ANKS1A: variants seen among roughly 807,000 people sequenced by gnomAD.
The protein encoded by ANKS1A is ankyrin repeat and sterile alpha motif domain containing 1A, also known as ankyrin repeat and SAM domain-containing protein 1A.
ANKS1A carries 55 observed loss-of-function variants against 120.3 expected under a neutral mutation model. That is an observed-to-expected ratio of 0.46 (90% CI 0.37 to 0.57). The LOEUF is 0.57. Among genes scored for constraint, ANKS1A ranks in the 20% least tolerant of loss-of-function variants. The probability of loss-of-function intolerance (pLI) is 0.00; values close to 1 mark genes in which losing one functional copy is unlikely to be tolerated. For missense variants in ANKS1A, 1,123 were observed against 1,480.3 expected, an observed-to-expected ratio of 0.76 and a Z score of 3.96; for synonymous variants, 590 against 604.7, an observed-to-expected ratio of 0.98 and a Z score of 0.36.
In ANKS1A at chr6:35,081,122, T is replaced by C. The variant is rs35455943; in HGVS notation, c.2673T>C (p.Pro891=). 33,215 of 1,612,978 alleles carry C rather than the reference T, an allele frequency of 0.021. 417 individuals are homozygous for C. Among genetic ancestry groups the C allele is most frequent in the African/African-American group, 0.045 (3,402 of 75,028 alleles). Reference sequence around the variant, plus strand: ...GGCGCCATGACAGTCTCCATGACCCTGCGGCACCCTCCCGAGCGGAGCGCT... The same window carrying C: ...GGCGCCATGACAGTCTCCATGACCCCGCGGCACCCTCCCGAGCGGAGCGCT... The part of the protein sequence containing the change: ...GRRRHDSLHD[P]AAPSRAERFR... Residue 891 remains proline (P), a synonymous_variant, in exon 17 of 24, where the codon CCT becomes CCC. Coordinates refer to ENST00000360359, the MANE Select transcript of ANKS1A (RefSeq NM_015245.3).
In ANKS1A at chr6:35,084,841, C is replaced by T. The variant is rs1777879034; in HGVS notation, c.3132+583C>T. Reference sequence around the variant, plus strand: ...GCCACTGGGCCGAGGAGAGTTCATTCTCACACAGCTGCCCACAGGGAGCAG... The same window carrying T: ...GCCACTGGGCCGAGGAGAGTTCATTTTCACACAGCTGCCCACAGGGAGCAG... On this transcript the variant is annotated intron_variant, in intron 21 of 23. Transcript: ENST00000360359. The surrounding 1 kb of genome is among the most constrained non-coding windows in gnomAD (Gnocchi z 4.8). Among the ~76,000 whole-genome samples the T allele has an allele frequency of 6.6e-6, 1 of 152,190 alleles. No individual in the cohort carries two copies. Among genetic ancestry groups the T allele is most frequent in the African/African-American group, 2.4e-5 (1 of 41,452 alleles).
At position 35,084,130 on chromosome 6, in the gene ANKS1A, G is replaced by A. The variant is rs372468739; in HGVS notation, c.3004G>A (p.Ala1002Thr). The A allele has an allele frequency of 1.9e-5, 30 of 1,614,074 alleles. No individual in the cohort carries two copies. Among genetic ancestry groups the A allele is most frequent in the Non-Finnish European group, 2.5e-5 (29 of 1,180,028 alleles). ...FIDASNKNVI[A>T]EHEIRNISCA... ...CGGCTTTCCCCAGCAGAACGTCATT[G>A]CAGAGCACGAGATCCGGAACATTTC... The change falls in exon 21 of 24, where the codon GCA becomes ACA. Residue 1002 changes from alanine (A) to threonine (T), a missense_variant. This residue lies in a region of ANKS1A where 904 missense variants were observed against 1,130.4 expected (regional missense o/e 0.80). Coordinates refer to ENST00000360359, the MANE Select transcript of ANKS1A (RefSeq NM_015245.3). The surrounding 1 kb of genome is among the most constrained non-coding windows in gnomAD (Gnocchi z 4.8).
At chr6:35,010,844 T>A (rs528619519) in intron 10 of ANKS1A, among the ~76,000 whole-genome samples, 115 of 152,214 alleles carry the variant, frequency 7.6e-4, no homozygotes, top group African/African-American at 2.6e-3. Context: ...CTCGGGAAAT[T>A]GGTGTGATTG....
Position 35,091,354 on chromosome 6 carries a change from T to C in ANKS1A, c.*2745T>C, listed in dbSNP as rs186447074. 4.1e-6 allele frequency: 4 copies of C among 985,600 alleles called. No individual in the cohort carries two copies. 61.1% of individuals were successfully genotyped at this position (985,600 alleles called of 1,614,324 possible). A position where few individuals can be genotyped will look rare whatever the true frequency, so the allele number is the denominator to read the frequency against. On this transcript the variant is annotated 3_prime_UTR_variant, in exon 24 of 24. Coordinates refer to ENST00000360359, the MANE Select transcript of ANKS1A (RefSeq NM_015245.3). ...GCTTTGGTTTTGTTATTTTCATAAC[T>C]GTACACAACTTAGAACAGACTGAAT...
chr6:34,974,057 C>T lies in ANKS1A; in HGVS notation c.435+3891C>T, dbSNP rs1419298543. Among the ~76,000 whole-genome samples the T allele has an allele frequency of 8.5e-3, 313 of 36,924 alleles. 28 individuals carry two copies. Among genetic ancestry groups the T allele is most frequent in the East Asian group, 0.037 (19 of 512 alleles). The allele number at this position is 36,924 out of a possible 152,430, so 24.2% of individuals were successfully genotyped here. On this transcript the variant is annotated intron_variant, in intron 3 of 23. Coordinates refer to ENST00000360359, the MANE Select transcript of ANKS1A (RefSeq NM_015245.3). ...TCCCCTTCCCCTTCTCTTCCCCTTC[C>T]CTTCCCCTTCCATTCCCCTTCCATT...
At chr6:34,896,633 A>C (rs1767099317) in intron 1 of ANKS1A, among the ~76,000 whole-genome samples, 1 of 152,226 alleles carries the variant, frequency 6.6e-6, no homozygotes, top group African/African-American at 2.4e-5. Flanking sequence ...TAATTTACCC[A>C]GCCTGGGCAA....
intron 10 of ANKS1A, among the ~76,000 whole-genome samples, chr6:35,001,372 A>C (rs1191566843): frequency 6.6e-6 from 1 of 152,262 alleles, no homozygotes; most frequent in African/African-American, 2.4e-5. Context: ...CACATTAAAC[A>C]AAAGCAATTG....
chr6:35,088,736 C>T lies in ANKS1A; in HGVS notation c.*127C>T. 1 of 1,597,324 alleles carries T rather than the reference C, an allele frequency of 6.3e-7. No homozygotes were observed. The highest frequency in any genetic ancestry group is 8.5e-7 in the Non-Finnish European group (1 of 1,174,014). ...GCCTCACCTCCGCCTGCAGGACCTC[C>T]TCTTGGCCACTTGGCCTGGGCCTGC... On this transcript the variant is annotated 3_prime_UTR_variant, in exon 24 of 24. Coordinates refer to ENST00000360359, the MANE Select transcript of ANKS1A (RefSeq NM_015245.3).
At chr6:34,951,465 G>GTC (rs2127493353) in intron 1 of ANKS1A, among the ~76,000 whole-genome samples, 1 of 152,226 alleles carries the variant, frequency 6.6e-6, no homozygotes, top group Admixed American at 6.5e-5. Flanking sequence ...ATTCACACGT[G>GTC]TCAGTTGCAT....
chr6:35,040,728 C>G (rs539764215), intron 11 of ANKS1A, among the ~76,000 whole-genome samples: 1 of 152,348 alleles, frequency 6.6e-6, no homozygotes, highest in East Asian at 1.9e-4. Context: ...GCAGAATTTT[C>G]GAAGATGAGA....
intron 1 of ANKS1A, among the ~76,000 whole-genome samples, chr6:34,937,434 G>T (rs1319014163): frequency 6.6e-6 from 1 of 151,986 alleles, no homozygotes; most frequent in Non-Finnish European, 1.5e-5. Flanking sequence ...TCTGGTAAAT[G>T]GAGATAATAA....
At chr6:35,083,706 C>T (rs748837353) in intron 20 of ANKS1A, among the ~76,000 whole-genome samples, 3 of 152,158 alleles carry the variant, frequency 2.0e-5, no homozygotes, top group Non-Finnish European at 4.4e-5. Flanking sequence ...CCCGTCCCCG[C>T]CCTAGTGATC....
intron 11 of ANKS1A, among the ~76,000 whole-genome samples, chr6:35,047,353 AG>A (rs1156834961): frequency 6.6e-6 from 1 of 152,180 alleles, no homozygotes; most frequent in Non-Finnish European, 1.5e-5. Flanking sequence ...GTAGAAGTTT[AG>A]GATGTTTTCT....
At chr6:35,096,766 C>T in the ANKS1A span, among the ~76,000 whole-genome samples, 1 of 152,144 alleles carries the variant, frequency 6.6e-6, no homozygotes, top group Non-Finnish European at 1.5e-5. Context: ...TTCACAAACG[C>T]TAAGGCATGC....
chr6:35,032,771 C>CT (rs986017560), intron 11 of ANKS1A, among the ~76,000 whole-genome samples: 10 of 152,140 alleles, frequency 6.6e-5, no homozygotes, highest in African/African-American at 2.4e-4. Flanking sequence ...AGGTAGAGCC[C>CT]TTTTTTATGC....
At chr6:35,097,508 CAA>C in the ANKS1A span, among the ~76,000 whole-genome samples, 2 of 139,588 alleles carry the variant, frequency 1.4e-5, no homozygotes, top group Non-Finnish European at 1.6e-5. Flanking sequence ...GACTCCGTCT[CAA>C]AAAAAAAAAA....
At chr6:34,978,214 C>T (rs931982341) in intron 3 of ANKS1A, among the ~76,000 whole-genome samples, 3 of 152,096 alleles carry the variant, frequency 2.0e-5, no homozygotes, top group African/African-American at 7.2e-5. Flanking sequence ...CTTCGGCTTC[C>T]CACACTGCTG....
intron 13 of ANKS1A, among the ~76,000 whole-genome samples, chr6:35,063,226 G>A (rs546793720): frequency 1.3e-5 from 2 of 152,348 alleles, no homozygotes; most frequent in Admixed American, 1.3e-4. Context: ...GCCAGCCCAC[G>A]AGCCCACCAC....
intron 1 of ANKS1A, among the ~76,000 whole-genome samples, chr6:34,907,126 C>T (rs923145055): frequency 6.6e-6 from 1 of 152,032 alleles, no homozygotes; most frequent in Non-Finnish European, 1.5e-5. Flanking sequence ...CTGAGTAGTA[C>T]TCTTTAAAAT....
Sources: allele counts gnomAD v4.1 joint callset (sites outside exome capture counted in the v4.1 genomes callset), GRCh38; gene constraint gnomAD v4.1.1; regional missense constraint gnomAD v4.1.1; non-coding constraint Gnocchi (gnomAD v3.1); transcripts MANE v1.5; gene names NCBI Gene and HGNC (gene_info 2026-07-23, HGNC 2026-07-21).